Variants in ERG observed in about 807,000 individuals in gnomAD.
ERG encodes the protein transcriptional regulator ERG.
Under a neutral mutation model 55.3 loss-of-function variants are expected in ERG, and 9 were observed. That is an observed-to-expected ratio of 0.16 (90% CI 0.10 to 0.28). ERG has a LOEUF of 0.28. Among genes scored for constraint, ERG ranks in the 10% least tolerant of loss-of-function variants. The pLI is 1.00. For synonymous variants in ERG, 223 were observed against 237.3 expected (o/e 0.94, Z 0.55); for missense variants, 434 against 631.6 (o/e 0.69, Z 3.35).
chr21:38,537,442 ATAT>A lies in ERG; in HGVS notation c.-41+38217_-41+38219del, dbSNP rs1162988080. On this transcript the variant is annotated intron_variant, in intron 2 of 8. Coordinates refer to the ERG transcript ENST00000398897. ...AAGGGATTAATATCCAGAAAAAAAAATATATATATATATGTATATAACCTACAA... is the reference window on the plus strand; with the variant it reads ...AAGGGATTAATATCCAGAAAAAAAAAATATATATATGTATATAACCTACAA... 3.4e-3 allele frequency among the ~76,000 whole-genome samples: 325 copies of A among 94,314 alleles called. 2 individuals carry two copies. Among genetic ancestry groups the A allele is most frequent in the South Asian group, 0.024 (70 of 2,870 alleles). The allele number at this position is 94,314 out of a possible 152,430, so 61.9% of individuals were successfully genotyped here. A position where few individuals can be genotyped will look rare whatever the true frequency, so the allele number is the denominator to read the frequency against.
At chr21:38,626,647 AGGG>A (rs1216238685) in intron 1 of ERG, among the ~76,000 whole-genome samples, 3 of 151,946 alleles carry the variant, frequency 2.0e-5, no homozygotes, top group African/African-American at 7.3e-5. Flanking sequence ...ATCTGAGAAA[AGGG>A]AAGCACGTTA....
chr21:38,534,954 T>C (rs570686013), intron 2 of ERG, among the ~76,000 whole-genome samples: 4 of 152,184 alleles, frequency 2.6e-5, no homozygotes, highest in Admixed American at 2.6e-4. Flanking sequence ...GTGGTTTTTT[T>C]AATCGTTTTA....
chr21:38,447,409 C>G lies in ERG; in HGVS notation c.19-1788G>C, dbSNP rs556474266. ...GTACCAAAGAGTCAGGTAGGCCAGA[C>G]AGAGAACCAGAATCAGGCACAAGGG... On this transcript the variant is annotated intron_variant, in intron 1 of 9. Coordinates refer to ENST00000288319, the MANE Select transcript of ERG (RefSeq NM_182918.4). 4.6e-5 allele frequency among the ~76,000 whole-genome samples: 7 copies of G among 151,144 alleles called. No homozygotes were observed. The East Asian group carries it at 9.7e-4, about 21-fold the overall frequency.
chr21:38,571,519 T>A (rs115855960), intron 2 of ERG, among the ~76,000 whole-genome samples: 2,608 of 150,984 alleles, frequency 0.017, 74 homozygotes, highest in African/African-American at 0.059. Context: ...TTAAAAAAAA[T>A]AAATAAAAAT....
At chr21:38,498,651 T>TA (rs930569619), upstream of ERG, 1 of 310,028 alleles carries the variant, frequency 3.2e-6, no homozygotes, top group Non-Finnish European at 4.7e-6. The surrounding 1 kb of genome is among the most constrained non-coding windows in gnomAD (Gnocchi z 4.6). Context: ...TTTTTTTAAT[T>TA]AAAAAAAGAA....
intron 3 of ERG, among the ~76,000 whole-genome samples, chr21:38,420,201 G>A (rs2146495109): frequency 1.3e-5 from 2 of 152,278 alleles, no homozygotes; most frequent in South Asian, 4.1e-4. Flanking sequence ...TGGATACCAT[G>A]GGGATGGATA....
intron 2 of ERG, among the ~76,000 whole-genome samples, chr21:38,510,707 C>G (rs1454872936): frequency 6.6e-6 from 1 of 152,204 alleles, no homozygotes; most frequent in Non-Finnish European, 1.5e-5. Flanking sequence ...TAATCCATAT[C>G]ATTCTTAATA....
At chr21:38,450,893 G>T (rs1173038487) in intron 1 of ERG, 4 of 456,102 alleles carry the variant, frequency 8.8e-6, no homozygotes, top group Middle Eastern at 6.5e-4. Context: ...GTCCTATAAG[G>T]TCAGCTGTGA....
intron 2 of ERG, among the ~76,000 whole-genome samples, chr21:38,544,607 T>C (rs1261473569): frequency 2.6e-5 from 4 of 152,126 alleles, no homozygotes; most frequent in Non-Finnish European, 5.9e-5. Flanking sequence ...ACTTTACATT[T>C]CCTTTCCCAG....
intron 2 of ERG, among the ~76,000 whole-genome samples, chr21:38,558,369 T>C (rs960551328): frequency 3.3e-5 from 5 of 152,210 alleles, no homozygotes; most frequent in African/African-American, 7.2e-5. Flanking sequence ...ATGAGTACTA[T>C]TATTGGTACA....
rs2836454 is a variant in ERG, at chr21:38,511,214, A to C, written c.-41+64448T>G. ...TCACAACCTCCCAAATGAATAAATC[A>C]ATCATTCCACCCTACATTTGAACAT... On this transcript the variant is annotated intron_variant, in intron 2 of 8. Transcript: ENST00000398897. 5.1e-4 allele frequency among the ~76,000 whole-genome samples: 77 copies of C among 152,264 alleles called. 1 individual carries two copies. In the East Asian group the frequency reaches 0.015, roughly 29 times the overall value.
chr21:38,572,818 T>C (rs1054679553), intron 2 of ERG, among the ~76,000 whole-genome samples: 8 of 151,754 alleles, frequency 5.3e-5, no homozygotes, highest in African/African-American at 2.0e-4. Flanking sequence ...ATATTATATA[T>C]TGACATTAAC....
intron 1 of ERG, among the ~76,000 whole-genome samples, chr21:38,651,214 T>C (rs554537984): frequency 1.3e-5 from 2 of 152,196 alleles, no homozygotes; most frequent in Non-Finnish European, 2.9e-5. Flanking sequence ...AAACTGCAGA[T>C]CTAGTACCGA....
chr21:38,555,351 A>ATAT (rs1459062351), intron 2 of ERG, among the ~76,000 whole-genome samples: 3 of 151,878 alleles, frequency 2.0e-5, no homozygotes, highest in Non-Finnish European at 4.4e-5. Context: ...AAGAAACTAT[A>ATAT]TATTGAAAGA....
intron 2 of ERG, among the ~76,000 whole-genome samples, chr21:38,556,146 G>A (rs1282428573): frequency 6.6e-6 from 1 of 152,008 alleles, no homozygotes; most frequent in African/African-American, 2.4e-5. Flanking sequence ...ATGCCATATT[G>A]CAGAAATGCA....
At chr21:38,375,823 C>T (rs1987225954), downstream of ERG, among the ~76,000 whole-genome samples, 1 of 152,126 alleles carries the variant, frequency 6.6e-6, no homozygotes, top group Non-Finnish European at 1.5e-5. Flanking sequence ...CTGTTGTGGG[C>T]CCCGGGTAGT....
chr21:38,379,928 C>T (rs917878799), downstream of ERG: 35 of 786,832 alleles, frequency 4.4e-5, no homozygotes, highest in Admixed American at 6.2e-5. Flanking sequence ...CGGGCTCAAG[C>T]GATCCACCCG....
intron 1 of ERG, among the ~76,000 whole-genome samples, chr21:38,633,878 G>GAA (rs5843923): frequency 0.29 from 42,989 of 148,026 alleles, 6,424 homozygotes; most frequent in Non-Finnish European, 0.32. Context: ...CAGTTGATAT[G>GAA]AAAAAAAAAA....
downstream of ERG, among the ~76,000 whole-genome samples, chr21:38,378,919 G>T (rs747869523): frequency 6.6e-6 from 1 of 152,208 alleles, no homozygotes; most frequent in Non-Finnish European, 1.5e-5. Context: ...AATCTGTCAA[G>T]ACATTTTTTT....
Sources: gnomAD v4.1 joint callset for allele counts (sites outside exome capture counted in the v4.1 genomes callset) on GRCh38, gnomAD v4.1.1 for gene constraint, Gnocchi (gnomAD v3.1) non-coding constraint, MANE v1.5 for transcripts, NCBI Gene and HGNC (gene_info 2026-07-23, HGNC 2026-07-21) for gene names.